FADD: variants seen among roughly 807,000 people sequenced by gnomAD.
The protein encoded by FADD is FAS-associated death domain protein.
A neutral mutation model predicts 5.8 loss-of-function variants in FADD; 3 were observed. The ratio of observed to expected loss-of-function variants is 0.52; its 90% CI spans 0.24 to 1.34. The LOEUF (loss-of-function observed/expected upper bound fraction) is 1.34, where lower values mean the gene tolerates loss of function less well. Ranked by LOEUF, FADD falls within the 40% of genes most tolerant of loss-of-function variation. FADD has a pLI of 0.17. For missense variants in FADD, 249 were observed against 286.7 expected (o/e 0.87, Z 0.95); for synonymous variants, 138 against 130.8 (o/e 1.06, Z -0.38).
Position 70,203,333 on chromosome 11 carries a change from G to C in FADD, c.-127G>C. ...TTCCTGTAGTGAATCAGGCACCGGAGTGCAGGTTCGGGGGTGGAATCCTTG... is the reference window on the plus strand; with the variant it reads ...TTCCTGTAGTGAATCAGGCACCGGACTGCAGGTTCGGGGGTGGAATCCTTG... On this transcript the variant is annotated 5_prime_UTR_variant, in exon 1 of 2. Coordinates refer to ENST00000301838, the MANE Select transcript of FADD (RefSeq NM_003824.4). 8 of 1,489,950 alleles carry C rather than the reference G, an allele frequency of 5.4e-6. No homozygotes were observed. Among genetic ancestry groups the C allele is most frequent in the Non-Finnish European group, 5.4e-6 (6 of 1,120,518 alleles). 92.3% of individuals were successfully genotyped at this position (1,489,950 alleles called of 1,614,324 possible).
chr11:70,204,936 A>C (rs2049448093), intron 1 of FADD, among the ~76,000 whole-genome samples: 1 of 152,136 alleles, frequency 6.6e-6, no homozygotes, highest in Non-Finnish European at 1.5e-5. Flanking sequence ...ACAGGTTGGT[A>C]GCGGGCGACT....
Position 70,203,490 on chromosome 11 carries a change from G to C in FADD, c.31G>C (p.Val11Leu), listed in dbSNP as rs753665798. 1.9e-6 allele frequency: 3 copies of C among 1,598,674 alleles called. No individual in the cohort carries two copies. The highest frequency in any genetic ancestry group is 2.6e-6 in the Non-Finnish European group (3 of 1,173,206). Residue 11 changes from valine (V) to leucine (L), a missense_variant, in exon 1 of 2, where the codon GTG becomes CTG. Val to Leu is a conservative substitution (Grantham distance 32). Coordinates refer to ENST00000301838, the MANE Select transcript of FADD (RefSeq NM_003824.4). ...CCCGTTCCTGGTGCTGCTGCACTCG[G>C]TGTCGTCCAGCCTGTCGAGCAGCGA... Reference protein sequence around the residue: MDPFLVLLHSVSSSLSSSELT... With the variant: MDPFLVLLHSLSSSLSSSELT...
At position 70,203,332 on chromosome 11, in the gene FADD, A is replaced by T. The variant is rs575010151; in HGVS notation, c.-128A>T. 2.2e-5 allele frequency: 32 copies of T among 1,482,190 alleles called. No homozygotes were observed. Among genetic ancestry groups the T allele is most frequent in the Non-Finnish European group, 2.9e-5 (32 of 1,115,186 alleles). 91.8% of individuals were successfully genotyped at this position (1,482,190 alleles called of 1,614,324 possible). A position where few individuals can be genotyped will look rare whatever the true frequency, so the allele number is the denominator to read the frequency against. On this transcript the variant is annotated 5_prime_UTR_variant, in exon 1 of 2. Coordinates refer to ENST00000301838, the MANE Select transcript of FADD (RefSeq NM_003824.4). ...TTTCCTGTAGTGAATCAGGCACCGGAGTGCAGGTTCGGGGGTGGAATCCTT... is the reference window on the plus strand; with the variant it reads ...TTTCCTGTAGTGAATCAGGCACCGGTGTGCAGGTTCGGGGGTGGAATCCTT...
intron 1 of FADD, among the ~76,000 whole-genome samples, chr11:70,204,645 T>G (rs1197712843): frequency 6.6e-6 from 1 of 152,146 alleles, no homozygotes; most frequent in East Asian, 1.9e-4. Context: ...CTGTAAAGAC[T>G]GGTGCCTGTT....
rs2135898138 is a variant in FADD at position 70,203,681 on chromosome 11, C to T, written c.222C>T (p.Asp74=). 14 of 1,518,464 alleles carry T rather than the reference C, an allele frequency of 9.2e-6. No individual in the cohort carries two copies. The highest frequency in any genetic ancestry group is 1.2e-5 in the Non-Finnish European group (14 of 1,138,462). 94.1% of individuals were successfully genotyped at this position (1,518,464 alleles called of 1,614,324 possible). Residue 74 remains aspartate (D), a synonymous_variant, in exon 1 of 2, where the codon GAC becomes GAT. Coordinates refer to ENST00000301838, the MANE Select transcript of FADD (RefSeq NM_003824.4). ...RELLASLRRH[D]LLRRVDDFEA... is the part of the protein sequence containing the mutation. ...TGCTCGCCTCCCTGCGGCGCCACGACCTGCTGCGGCGCGTCGACGACTTCG... is the reference window on the plus strand; with the variant it reads ...TGCTCGCCTCCCTGCGGCGCCACGATCTGCTGCGGCGCGTCGACGACTTCG...
chr11:70,203,383 T>C lies in FADD; in HGVS notation c.-77T>C, dbSNP rs2049436067. ...GGGCCGCTGGGCAAGCGGCGAGACC[T>C]GGCCAGGGCCAGCGAGCCGAGGACA... On this transcript the variant is annotated 5_prime_UTR_variant, in exon 1 of 2. Transcript: ENST00000301838. 2.6e-6 allele frequency: 4 copies of C among 1,539,616 alleles called. No homozygotes were observed. Among genetic ancestry groups the C allele is most frequent in the African/African-American group, 2.8e-5 (2 of 72,392 alleles).
intron 1 of FADD, among the ~76,000 whole-genome samples, chr11:70,204,694 A>T (rs1378242181): frequency 6.6e-6 from 1 of 152,240 alleles, no homozygotes; most frequent in Non-Finnish European, 1.5e-5. Context: ...GCCTGAGAGC[A>T]GTCAAGTCCA....
Position 70,203,552 on chromosome 11 carries a change from G to C in FADD, c.93G>C (p.Val31=). 1 of 1,612,402 alleles carries C rather than the reference G, an allele frequency of 6.2e-7. No individual in the cohort carries two copies. The highest frequency in any genetic ancestry group is 8.5e-7 in the Non-Finnish European group (1 of 1,179,600). The change falls in exon 1 of 2, where the codon GTG becomes GTC. Residue 31 remains valine, a synonymous_variant. Coordinates refer to ENST00000301838, the MANE Select transcript of FADD (RefSeq NM_003824.4). ...TCAAGTTCCTATGCCTCGGGCGCGT[G>C]GGCAAGCGCAAGCTGGAGCGCGTGC... The part of the protein sequence containing the change: ...TELKFLCLGR[V]GKRKLERVQS...
chr11:70,205,508 G>A (rs1436051850), intron 1 of FADD, among the ~76,000 whole-genome samples: 3 of 152,144 alleles, frequency 2.0e-5, no homozygotes, highest in African/African-American at 7.2e-5. Flanking sequence ...GAATGCTGTT[G>A]GGGAGGCTCC....
Position 70,206,371 on chromosome 11 carries a change from C to T in FADD, c.525C>T (p.Asp175=), listed in dbSNP as rs746749229. 1.2e-6 allele frequency: 2 copies of T among 1,614,154 alleles called. No individual in the cohort carries two copies. Among genetic ancestry groups the T allele is most frequent in the Non-Finnish European group, 1.7e-6 (2 of 1,180,014 alleles). The change falls in exon 2 of 2, where the codon GAC becomes GAT. Residue 175 remains aspartate (D), a synonymous_variant. Coordinates refer to ENST00000301838, the MANE Select transcript of FADD (RefSeq NM_003824.4). The part of the protein sequence containing the change: ...LRSCQMNLVA[D]LVQEVQQARD... The stretch of plus-strand genomic sequence containing the variant: ...CCTGCCAGATGAACCTGGTGGCTGA[C>T]CTGGTACAAGAGGTTCAGCAGGCCC...
At chr11:70,205,142 GC>G (rs34642886) in intron 1 of FADD, among the ~76,000 whole-genome samples, 10,423 of 152,308 alleles carry the variant, frequency 0.068, 469 homozygotes, top group Non-Finnish European at 0.097. Context: ...TGTCAGAGCT[GC>G]GGGAGCTGGT....
intron 1 of FADD, 65 bp downstream of exon 1, chr11:70,203,810 C>T: frequency 3.8e-6 from 3 of 794,142 alleles, no homozygotes; most frequent in Non-Finnish European, 5.3e-6. Flanking sequence ...CTGCGAGGCT[C>T]CTCCGGTTGG....
intron 1 of FADD, 145 bp downstream of exon 1, chr11:70,203,890 A>T (rs1590966131): frequency 2.3e-6 from 1 of 434,564 alleles, no homozygotes; most frequent in East Asian, 3.7e-5. Context: ...GGTTTTGCAG[A>T]TGGGAGAGCC....
chr11:70,207,208 C>T lies in FADD; in HGVS notation c.*735C>T, dbSNP rs1435068707. On this transcript the variant is annotated 3_prime_UTR_variant, in exon 2 of 2. Transcript: ENST00000301838. Reference sequence around the variant, plus strand: ...GATTGACACACAGCACTCTCTAAATCTTCCTTGTGAGGATTATGGGTCCTG... The same window carrying T: ...GATTGACACACAGCACTCTCTAAATTTTCCTTGTGAGGATTATGGGTCCTG... The T allele has an allele frequency of 1.3e-5, 2 of 152,458 alleles. No homozygotes were observed. The highest frequency in any genetic ancestry group is 2.4e-5 in the African/African-American group (1 of 41,434). The allele number at this position is 152,458 out of a possible 1,614,324, so 9.4% of individuals were successfully genotyped here.
chr11:70,206,163 A>G lies in FADD; in HGVS notation c.317A>G (p.Asp106Gly). 1 of 1,614,126 alleles carries G rather than the reference A, an allele frequency of 6.2e-7. No homozygotes were observed. The highest frequency in any genetic ancestry group is 1.1e-5 in the South Asian group (1 of 91,072). ...DLCAAFNVIC[D>G]NVGKDWRRLA... The stretch of plus-strand genomic sequence containing the variant: ...TGTGCAGCATTTAACGTCATATGTG[A>G]TAATGTGGGGAAAGATTGGAGAAGG... The change falls in exon 2 of 2, where the codon GAT (aspartate) becomes GGT (glycine). Residue 106 changes from aspartate to glycine, a missense_variant. Asp to Gly is a moderately conservative substitution (Grantham distance 94). Coordinates refer to ENST00000301838, the MANE Select transcript of FADD (RefSeq NM_003824.4).
chr11:70,206,293 G>T lies in FADD; in HGVS notation c.447G>T (p.Lys149Asn). The T allele has an allele frequency of 6.2e-7, 1 of 1,614,212 alleles. No individual in the cohort carries two copies. Among genetic ancestry groups the T allele is most frequent in the Non-Finnish European group, 8.5e-7 (1 of 1,180,036 alleles). The change falls in exon 2 of 2, where the codon AAG (lysine) becomes AAT (asparagine). Residue 149 changes from lysine (K) to asparagine (N), a missense_variant. Transcript: ENST00000301838. ...TGCGGGAGTCACTGAGAATCTGGAA[G>T]AACACAGAGAAGGAGAACGCAACAG... ...ERVRESLRIW[K>N]NTEKENATVA...
intron 1 of FADD, 48 bp from the exon 2 acceptor site, chr11:70,206,085 C>T (rs377644416): frequency 2.6e-6 from 4 of 1,519,014 alleles, no homozygotes; most frequent in Non-Finnish European, 2.7e-6. Context: ...ATTGTGGGGT[C>T]GCTTGTCTCC....
In FADD at chr11:70,203,467, C is replaced by G. The variant is rs763339860; in HGVS notation, c.8C>G (p.Pro3Arg). 22 of 1,580,806 alleles carry G rather than the reference C, an allele frequency of 1.4e-5. No homozygotes were observed. In the South Asian group the frequency reaches 2.2e-4, roughly 16 times the overall value. The stretch of plus-strand genomic sequence containing the variant: ...CCGCTTGCAGACCCCGCCATGGACC[C>G]GTTCCTGGTGCTGCTGCACTCGGTG... MD[P>R]FLVLLHSVSS... Residue 3 changes from proline (P) to arginine (R), a missense_variant, in exon 1 of 2, where the codon CCG becomes CGG. Physicochemically the swap from Pro to Arg is moderately radical, Grantham distance 103 (BLOSUM62 -2). Transcript: ENST00000301838.
At chr11:70,204,594 C>T (rs1335520531) in intron 1 of FADD, among the ~76,000 whole-genome samples, 1 of 152,134 alleles carries the variant, frequency 6.6e-6, no homozygotes, top group Non-Finnish European at 1.5e-5. Flanking sequence ...CATTCAGTCA[C>T]CAATCAGATA....
Sources: allele counts gnomAD v4.1 joint callset (sites outside exome capture counted in the v4.1 genomes callset), GRCh38; gene constraint gnomAD v4.1.1; transcripts MANE v1.5; gene names NCBI Gene and HGNC (gene_info 2026-07-23, HGNC 2026-07-21).